Variants in EXOSC2 observed in about 807,000 individuals in gnomAD.
EXOSC2 encodes exosome component 2.
EXOSC2 carries 29 observed loss-of-function variants against 37.6 expected under a neutral mutation model. The ratio of observed to expected loss-of-function variants is 0.77; its 90% CI spans 0.57 to 1.05. EXOSC2 has a LOEUF of 1.05. EXOSC2 is among the 50% of genes least tolerant of loss of function. The pLI is 0.00. For missense variants in EXOSC2, 346 were observed against 365.6 expected, an observed-to-expected ratio of 0.95 and a Z score of 0.44; for synonymous variants, 119 against 131.1, an observed-to-expected ratio of 0.91 and a Z score of 0.63.
chr9:130,701,443 GGA>G (rs1831213721), intron 6 of EXOSC2: 1 of 203,772 alleles, frequency 4.9e-6, no homozygotes, highest in Non-Finnish European at 8.7e-6. Flanking sequence ...ACTATTTTAA[GGA>G]GAGCATACTT....
At chr9:130,702,004 A>T (rs1831226177) in intron 6 of EXOSC2, 130 bp from the exon 7 acceptor site, 1 of 1,459,594 alleles carries the variant, frequency 6.9e-7, no homozygotes, top group Non-Finnish European at 9.0e-7. Context: ...ATGTGTATGC[A>T]TGTAGGCGAC....
At chr9:130,695,055 C>T (rs1831063331) in intron 1 of EXOSC2, among the ~76,000 whole-genome samples, 1 of 152,102 alleles carries the variant, frequency 6.6e-6, no homozygotes, top group African/African-American at 2.4e-5. Context: ...ATGCTTTCAA[C>T]ATATATTTTG....
chr9:130,699,721 G>C (rs1831170653), intron 5 of EXOSC2: 1 of 267,286 alleles, frequency 3.7e-6, no homozygotes, highest in East Asian at 7.6e-5. Context: ...TTAATGACAG[G>C]CCGAGTGTGG....
At chr9:130,696,498 T>C (rs1194717302) in intron 2 of EXOSC2, among the ~76,000 whole-genome samples, 1 of 151,630 alleles carries the variant, frequency 6.6e-6, no homozygotes, top group Non-Finnish European at 1.5e-5. Flanking sequence ...CTTAGGGAGG[T>C]GGATTAGGGA....
intron 7 of EXOSC2, 98 bp downstream of exon 7, chr9:130,702,408 C>A: frequency 1.1e-6 from 1 of 940,920 alleles, no homozygotes; most frequent in Non-Finnish European, 1.6e-6. Context: ...AGCTATGTTA[C>A]TGGTGTAGGC....
intron 7 of EXOSC2, among the ~76,000 whole-genome samples, 162 bp downstream of exon 7, chr9:130,702,472 T>TCC (rs1266300287): frequency 6.6e-6 from 1 of 151,834 alleles, no homozygotes; most frequent in Non-Finnish European, 1.5e-5. Flanking sequence ...TATTATCTTC[T>TCC]CTTCTAAGGA....
chr9:130,703,184 A>G lies in EXOSC2; in HGVS notation c.801+3A>G, dbSNP rs778390754. The G allele has an allele frequency of 1.1e-5, 17 of 1,606,868 alleles. No individual in the cohort carries two copies. The highest frequency in any genetic ancestry group is 1.4e-5 in the Non-Finnish European group (17 of 1,175,542). On this transcript the variant is annotated splice_donor_region_variant and intron_variant, in intron 8 of 8. Coordinates refer to ENST00000372358, the MANE Select transcript of EXOSC2 (RefSeq NM_014285.7). ...ATGAAGCATCCCTTCCACATCAGGTACTCTCCCCAGGGCCTCTCCCTTCTT... is the reference window on the plus strand; with the variant it reads ...ATGAAGCATCCCTTCCACATCAGGTGCTCTCCCCAGGGCCTCTCCCTTCTT...
Position 130,703,726 on chromosome 9 carries a change from G to A in EXOSC2, c.834G>A (p.Glu278=), listed in dbSNP as rs764219579. The A allele has an allele frequency of 6.2e-7, 1 of 1,613,848 alleles. No homozygotes were observed. The highest frequency in any genetic ancestry group is 1.7e-5 in the Admixed American group (1 of 59,988). ...IKDILKPEIM[E]EIVMETRQRL... ...ACATCTTAAAGCCAGAAATAATGGAGGAGATTGTGATGGAAACACGCCAGA... is the reference window on the plus strand; with the variant it reads ...ACATCTTAAAGCCAGAAATAATGGAAGAGATTGTGATGGAAACACGCCAGA... The change falls in exon 9 of 9, where the codon GAG becomes GAA. Residue 278 remains glutamate (E), a synonymous_variant. Transcript: ENST00000372358.
chr9:130,703,084 C>G lies in EXOSC2; in HGVS notation c.704C>G (p.Ser235Cys). 2 of 1,613,840 alleles carry G rather than the reference C, an allele frequency of 1.2e-6. No individual in the cohort carries two copies. The highest frequency in any genetic ancestry group is 1.7e-6 in the Non-Finnish European group (2 of 1,179,906). ...TCTCTTGCTGATCGAGAGGTGATAT[C>G]CCGGCTTCGGAACTGCATCATCTCG... is the stretch of plus-strand genomic sequence containing the variant. ...PVSLADREVI[S>C]RLRNCIISLV... The change falls in exon 8 of 9, where the codon TCC becomes TGC. Residue 235 changes from serine (S) to cysteine (C), a missense_variant. Coordinates refer to ENST00000372358, the MANE Select transcript of EXOSC2 (RefSeq NM_014285.7).
chr9:130,695,450 G>A (rs376037709), intron 1 of EXOSC2, 42 bp from the exon 2 acceptor site: 2 of 1,550,606 alleles, frequency 1.3e-6, no homozygotes, highest in Non-Finnish European at 1.8e-6. Flanking sequence ...GTCATTTCGA[G>A]TTACCCTCGT....
rs568249955 is a variant in EXOSC2 at position 130,703,966 on chromosome 9, G to C, written c.*192G>C. The C allele has an allele frequency of 2.9e-4, 135 of 458,620 alleles. No homozygotes were observed. Among genetic ancestry groups the C allele is most frequent in the African/African-American group, 2.5e-3 (127 of 50,618 alleles). The allele number at this position is 458,620 out of a possible 1,614,324, so 28.4% of individuals were successfully genotyped here. A position where few individuals can be genotyped will look rare whatever the true frequency, so the allele number is the denominator to read the frequency against. The stretch of plus-strand genomic sequence containing the variant: ...CAAGCCTGGGTGGCAGATGAACAGT[G>C]CTTCCTTGGGTTGCCAGCTGAGTCC... On this transcript the variant is annotated 3_prime_UTR_variant, in exon 9 of 9. Transcript: ENST00000372358.
chr9:130,702,028 A>G lies in EXOSC2; in HGVS notation c.496-106A>G. 12 of 1,472,350 alleles carry G rather than the reference A, an allele frequency of 8.2e-6. No homozygotes were observed. The South Asian group carries it at 1.4e-4, about 18-fold the overall frequency. The allele number at this position is 1,472,350 out of a possible 1,614,324, so 91.2% of individuals were successfully genotyped here. On this transcript the variant is annotated intron_variant, in intron 6 of 8. Transcript: ENST00000372358. ...CATGTAGGCGACAGCAATTATAAAC[A>G]GGAAGGACACCAATTTGAATATACT...
chr9:130,701,011 A>G, intron 6 of EXOSC2, 76 bp downstream of exon 6: 2 of 1,452,904 alleles, frequency 1.4e-6, no homozygotes, highest in Non-Finnish European at 1.9e-6. Context: ...AGCTCTCTGG[A>G]ATTCTGGCCT....
chr9:130,695,653 T>C (rs1287786640), intron 2 of EXOSC2, 60 bp downstream of exon 2: 2 of 1,441,194 alleles, frequency 1.4e-6, no homozygotes, highest in African/African-American at 2.8e-5. Context: ...ACCAGGCTTT[T>C]CCTGCCCCCT....
intron 6 of EXOSC2, 167 bp downstream of exon 6, chr9:130,701,102 G>T (rs1337410686): frequency 4.7e-6 from 3 of 637,132 alleles, no homozygotes; most frequent in African/African-American, 1.8e-5. Context: ...CATCAGGACG[G>T]TCAGGGTTCA....
chr9:130,703,651 T>G, intron 8 of EXOSC2, 43 bp from the exon 9 acceptor site: 2 of 1,517,694 alleles, frequency 1.3e-6, no homozygotes, highest in Non-Finnish European at 1.8e-6. Context: ...GGTCTGTTTA[T>G]GGTTGGTTTC....
chr9:130,700,589 C>T (rs1004720631), intron 5 of EXOSC2, among the ~76,000 whole-genome samples: 2 of 151,892 alleles, frequency 1.3e-5, no homozygotes, highest in African/African-American at 2.4e-5. Flanking sequence ...GAACTCCTGA[C>T]CTCAGGTGAT....
At chr9:130,697,245 C>T (rs1831116278) in intron 2 of EXOSC2, among the ~76,000 whole-genome samples, 1 of 152,166 alleles carries the variant, frequency 6.6e-6, no homozygotes, top group African/African-American at 2.4e-5. Flanking sequence ...GATTTCCTTT[C>T]TCTTCCTTTG....
chr9:130,696,006 G>A (rs1365425714), intron 2 of EXOSC2, among the ~76,000 whole-genome samples: 1 of 151,784 alleles, frequency 6.6e-6, no homozygotes, highest in East Asian at 1.9e-4. Flanking sequence ...GATTACAGGC[G>A]CCCTCCACCA....
Sources: allele counts gnomAD v4.1 joint callset (sites outside exome capture counted in the v4.1 genomes callset), GRCh38; gene constraint gnomAD v4.1.1; transcripts MANE v1.5; gene names NCBI Gene and HGNC (gene_info 2026-07-23, HGNC 2026-07-21).